Variants in ABCD3 observed in about 807,000 individuals in gnomAD.
ABCD3 encodes the protein ATP-binding cassette sub-family D member 3.
A neutral mutation model predicts 105.5 loss-of-function variants in ABCD3; 41 were observed. That is an observed-to-expected ratio of 0.39 (90% confidence interval 0.30 to 0.50). The LOEUF is 0.50. ABCD3 is among the 20% of genes least tolerant of loss of function. The pLI is 0.84. For missense variants in ABCD3, 622 were observed against 806.3 expected (o/e 0.77, Z 2.77); for synonymous variants, 258 against 269.0 (o/e 0.96, Z 0.40).
intron 16 of ABCD3, among the ~76,000 whole-genome samples, chr1:94,494,652 TGG>T: frequency 6.6e-6 from 1 of 152,342 alleles, no homozygotes; most frequent in South Asian, 2.1e-4. Flanking sequence ...ATTTGCCTTT[TGG>T]GTTACATTTG....
chr1:94,433,077 C>T (rs958694483), intron 1 of ABCD3, among the ~76,000 whole-genome samples: 7 of 151,684 alleles, frequency 4.6e-5, no homozygotes, highest in South Asian at 2.1e-4. Flanking sequence ...AGGCTGGTCT[C>T]GAATTCCTGA....
intron 16 of ABCD3, among the ~76,000 whole-genome samples, chr1:94,496,122 C>G (rs1365382641): frequency 6.6e-6 from 1 of 152,164 alleles, no homozygotes; most frequent in African/African-American, 2.4e-5. Context: ...TTAACCATTT[C>G]TAAGTGTATA....
intron 1 of ABCD3, among the ~76,000 whole-genome samples, chr1:94,451,503 T>G (rs910688164): frequency 6.6e-6 from 1 of 152,206 alleles, no homozygotes; most frequent in African/African-American, 2.4e-5. Flanking sequence ...AGCATCTTAA[T>G]AAACAAAAAC....
At chr1:94,478,450 G>T (rs1648871695) in intron 8 of ABCD3, 135 bp downstream of exon 8, 1 of 1,220,328 alleles carries the variant, frequency 8.2e-7, no homozygotes, top group South Asian at 1.3e-5. Context: ...ACCTAACAAA[G>T]TCTGGTTATA....
At chr1:94,437,849 T>C (rs529668055) in intron 1 of ABCD3, among the ~76,000 whole-genome samples, 1 of 152,286 alleles carries the variant, frequency 6.6e-6, no homozygotes, top group South Asian at 2.1e-4. Flanking sequence ...ATTAATGGGA[T>C]TTTGGAAGAA....
chr1:94,475,038 TA>T, intron 5 of ABCD3, 104 bp from the exon 6 acceptor site: 1 of 769,884 alleles, frequency 1.3e-6, no homozygotes. Context: ...GACTAAATTA[TA>T]AAAATTGTAG....
chr1:94,440,641 C>T (rs537008114), intron 1 of ABCD3, among the ~76,000 whole-genome samples: 7 of 152,256 alleles, frequency 4.6e-5, no homozygotes, highest in African/African-American at 1.4e-4. Context: ...GGGATCTTCC[C>T]GAGGTGGATA....
At chr1:94,423,276 C>G (rs1659332641) in intron 1 of ABCD3, among the ~76,000 whole-genome samples, 1 of 152,180 alleles carries the variant, frequency 6.6e-6, no homozygotes, top group African/African-American at 2.4e-5. Context: ...CTGAAGCATG[C>G]ATTTAAATAC....
At chr1:94,503,906 CTTTT>C (rs71097203) in intron 20 of ABCD3, among the ~76,000 whole-genome samples, 245 of 69,792 alleles carry the variant, frequency 3.5e-3, no homozygotes, top group African/African-American at 0.013. Context: ...ACAAGTGATT[CTTTT>C]TTTTTTTTTT....
chr1:94,446,758 T>C (rs1470316374), intron 1 of ABCD3, among the ~76,000 whole-genome samples: 1 of 152,202 alleles, frequency 6.6e-6, no homozygotes, highest in African/African-American at 2.4e-5. Flanking sequence ...CAATTCAACC[T>C]GTTCAATTTA....
At chr1:94,490,858 T>C (rs1216634674) in intron 15 of ABCD3, among the ~76,000 whole-genome samples, 1 of 152,112 alleles carries the variant, frequency 6.6e-6, no homozygotes, top group East Asian at 1.9e-4. Context: ...TTTTCCATAA[T>C]AGCTGTACTA....
chr1:94,459,024 C>T (rs1279604501), intron 2 of ABCD3, among the ~76,000 whole-genome samples: 1 of 143,830 alleles, frequency 7.0e-6, no homozygotes, highest in East Asian at 2.2e-4. Flanking sequence ...CCCCTTCCCT[C>T]TTTTTTCTTT....
rs1651035492 is a variant in ABCD3, at chr1:94,518,621, C to A, written c.*1492C>A. On this transcript the variant is annotated 3_prime_UTR_variant, in exon 23 of 23. Coordinates refer to ENST00000370214, the MANE Select transcript of ABCD3 (RefSeq NM_002858.4). Reference sequence around the variant, plus strand: ...GACTTGAAAACATAGATAGTTTAATCTTGACTTGAAAAACACAAAAATAAA... The same window carrying A: ...GACTTGAAAACATAGATAGTTTAATATTGACTTGAAAAACACAAAAATAAA... 1 of 151,612 alleles carries A rather than the reference C, an allele frequency of 6.6e-6. No homozygotes were observed. Among genetic ancestry groups the A allele is most frequent in the Non-Finnish European group, 1.5e-5 (1 of 67,792 alleles). 9.4% of individuals were successfully genotyped at this position (151,612 alleles called of 1,614,324 possible). A position where few individuals can be genotyped will look rare whatever the true frequency, so the allele number is the denominator to read the frequency against.
At chr1:94,512,674 G>A (rs575228101) in intron 21 of ABCD3, among the ~76,000 whole-genome samples, 52 of 152,042 alleles carry the variant, frequency 3.4e-4, no homozygotes, top group Non-Finnish European at 6.6e-4. Flanking sequence ...GCTGCTTTTA[G>A]TAGCTAAGTC....
intron 1 of ABCD3, among the ~76,000 whole-genome samples, chr1:94,425,546 C>T (rs1384793655): frequency 6.6e-6 from 1 of 152,048 alleles, no homozygotes; most frequent in Non-Finnish European, 1.5e-5. Flanking sequence ...AATAAATTGC[C>T]AGAAGTAGGA....
At position 94,427,372 on chromosome 1, in the gene ABCD3, C is replaced by T. The variant is rs146054927; in HGVS notation, c.110+8784C>T. On this transcript the variant is annotated intron_variant, in intron 1 of 22. Transcript: ENST00000370214. ...ACAAAATTTACAAAAATTTCGTGGT[C>T]CCTTTCAAAGAAAAGAATGACCTTA... Among the ~76,000 whole-genome samples the T allele has an allele frequency of 4.7e-4, 71 of 152,254 alleles. No homozygotes were observed. In the East Asian group the frequency reaches 0.013, roughly 29 times the overall value.
At chr1:94,480,238 G>C (rs1352397843) in intron 8 of ABCD3, 1 of 570,722 alleles carries the variant, frequency 1.8e-6, no homozygotes, top group Non-Finnish European at 3.1e-6. Flanking sequence ...AAATGTAGGA[G>C]AGCTGAGGGA....
chr1:94,495,234 T>C (rs1557686559), intron 16 of ABCD3, among the ~76,000 whole-genome samples: 1 of 152,224 alleles, frequency 6.6e-6, no homozygotes, highest in South Asian at 2.1e-4. Flanking sequence ...TTATTTGTTA[T>C]GATAAATTTA....
At chr1:94,488,881 C>T (rs780970648) in intron 13 of ABCD3, among the ~76,000 whole-genome samples, 1 of 151,686 alleles carries the variant, frequency 6.6e-6, no homozygotes, top group Non-Finnish European at 1.5e-5. Context: ...TTCACTCCCT[C>T]CCTTCGTCTC....
Sources: gnomAD v4.1 joint callset for allele counts (sites outside exome capture counted in the v4.1 genomes callset) on GRCh38, gnomAD v4.1.1 for gene constraint, MANE v1.5 for transcripts, NCBI Gene and HGNC (gene_info 2026-07-23, HGNC 2026-07-21) for gene names.